RAB11FIP4: variants seen among roughly 807,000 people sequenced by gnomAD.
RAB11FIP4 encodes rab11 family-interacting protein 4.
A neutral mutation model predicts 74.3 loss-of-function variants in RAB11FIP4; 23 were observed. That is an observed-to-expected ratio of 0.31 (90% CI 0.22 to 0.44). RAB11FIP4 has a LOEUF of 0.44. Ranked by LOEUF, RAB11FIP4 falls within the 20% of genes least tolerant of loss-of-function variation. RAB11FIP4 has a pLI of 1.00. For missense variants in RAB11FIP4, 630 were observed against 863.9 expected, an observed-to-expected ratio of 0.73 and a Z score of 3.39; for synonymous variants, 360 against 359.9, an observed-to-expected ratio of 1.00 and a Z score of 0.00.
chr17:31,536,471 T>C lies in RAB11FIP4; in HGVS notation c.*4739T>C, dbSNP rs75094552. 0.038 allele frequency: 5,740 copies of C among 152,990 alleles called. 349 individuals are homozygous for C. Among genetic ancestry groups the C allele is most frequent in the African/African-American group, 0.13 (5,270 of 41,576 alleles). 9.5% of individuals were successfully genotyped at this position (152,990 alleles called of 1,614,324 possible). A position where few individuals can be genotyped will look rare whatever the true frequency, so the allele number is the denominator to read the frequency against. On this transcript the variant is annotated 3_prime_UTR_variant, in exon 15 of 15. Transcript: ENST00000621161. ...CTCAAGGGCTACTGTGGATTCTAGA[T>C]TGAGGAAAGGGGCCACTTAGGACTC...
intron 14 of RAB11FIP4, 111 bp downstream of exon 14, chr17:31,530,580 C>T (rs1043023682): frequency 2.2e-6 from 3 of 1,382,760 alleles, no homozygotes; most frequent in Non-Finnish European, 3.0e-6. Flanking sequence ...GGCAGAGAGT[C>T]CCATCTACAG....
intron 1 of RAB11FIP4, among the ~76,000 whole-genome samples, chr17:31,412,282 C>T (rs891648590): frequency 6.6e-6 from 1 of 152,164 alleles, no homozygotes. Context: ...GCTCTAGATC[C>T]CCAGAGCAGG....
rs555119408 is a variant in RAB11FIP4 at position 31,453,792 on chromosome 17, CAAAAAAA to C, written c.336+19685_336+19691del. 1.6e-4 allele frequency among the ~76,000 whole-genome samples: 10 copies of C among 62,632 alleles called. No homozygotes were observed. In the South Asian group the frequency reaches 2.9e-3, roughly 18 times the overall value. The allele number at this position is 62,632 out of a possible 152,430, so 41.1% of individuals were successfully genotyped here. A position where few individuals can be genotyped will look rare whatever the true frequency, so the allele number is the denominator to read the frequency against. ...TCCAGCCTGGGCACAAGACTCGTCT[CAAAAAAA>C]AAAAAAAAAAAAAAGAAAGAAAAGA... is the stretch of plus-strand genomic sequence containing the variant. On this transcript the variant is annotated intron_variant, in intron 3 of 14. Coordinates refer to ENST00000621161, the MANE Select transcript of RAB11FIP4 (RefSeq NM_032932.6).
In RAB11FIP4 at chr17:31,445,530, T is replaced by TATATA. The variant is rs2071443149; in HGVS notation, c.336+11408_336+11409insATATA. 2.3e-3 allele frequency among the ~76,000 whole-genome samples: 83 copies of TATATA among 36,738 alleles called. 2 individuals carry two copies. The highest frequency in any genetic ancestry group is 4.2e-3 in the Admixed American group (10 of 2,398). The allele number at this position is 36,738 out of a possible 152,430, so 24.1% of individuals were successfully genotyped here. ...AAAATCTACATTCAAATTTTCCCAA[T>TATATA]TTTATATATATATATATATATATAT... On this transcript the variant is annotated intron_variant, in intron 3 of 14. Transcript: ENST00000621161.
Position 31,421,714 on chromosome 17 carries a change from C to T in RAB11FIP4, c.160-10099C>T, listed in dbSNP as rs181874528. On this transcript the variant is annotated intron_variant, in intron 1 of 14. Transcript: ENST00000621161. The stretch of plus-strand genomic sequence containing the variant: ...CTGGGATTACAGGTGCCCACCACCA[C>T]GCCCAGCTAATTTTTTGTATTTTTA... Among the ~76,000 whole-genome samples the T allele has an allele frequency of 1.3e-3, 197 of 150,528 alleles. 1 individual carries two copies. Among genetic ancestry groups the T allele is most frequent in the African/African-American group, 4.4e-3 (182 of 40,982 alleles).
At chr17:31,413,851 G>GT (rs971940143) in intron 1 of RAB11FIP4, among the ~76,000 whole-genome samples, 3 of 152,164 alleles carry the variant, frequency 2.0e-5, no homozygotes, top group South Asian at 2.1e-4. Context: ...GTTTCATTGA[G>GT]TTTTTTTCCC....
At chr17:31,400,010 T>A (rs553450000) in intron 1 of RAB11FIP4, among the ~76,000 whole-genome samples, 1 of 149,760 alleles carries the variant, frequency 6.7e-6, no homozygotes, top group South Asian at 2.1e-4. Flanking sequence ...GCCACTGCAC[T>A]CCAGCCTAGG....
intron 3 of RAB11FIP4, among the ~76,000 whole-genome samples, chr17:31,463,120 T>G (rs2071648958): frequency 6.6e-6 from 1 of 152,140 alleles, no homozygotes; most frequent in Admixed American, 6.6e-5. Flanking sequence ...TGAGGAGGCG[T>G]TAACACATTG....
intron 3 of RAB11FIP4, among the ~76,000 whole-genome samples, chr17:31,447,337 A>T (rs1158502486): frequency 6.6e-6 from 1 of 151,882 alleles, no homozygotes; most frequent in Non-Finnish European, 1.5e-5. Flanking sequence ...GGTGGCAAGC[A>T]CCTGTGTGTC....
In RAB11FIP4 at chr17:31,523,617, C is replaced by T. The variant is rs761451166; in HGVS notation, c.1029+6C>T. 1 of 1,612,094 alleles carries T rather than the reference C, an allele frequency of 6.2e-7. No homozygotes were observed. The highest frequency in any genetic ancestry group is 2.2e-5 in the East Asian group (1 of 44,866). ...ACAATGACATCACAGAGAAGGTGGGCCTTGGGTGGCTGGAGAAGGGACTGA... is the reference window on the plus strand; with the variant it reads ...ACAATGACATCACAGAGAAGGTGGGTCTTGGGTGGCTGGAGAAGGGACTGA... On this transcript the variant is annotated splice_donor_region_variant and intron_variant, in intron 8 of 14. Transcript: ENST00000621161.
Position 31,432,000 on chromosome 17 carries a change from G to A in RAB11FIP4, c.247+100G>A, listed in dbSNP as rs142932369. On this transcript the variant is annotated intron_variant, in intron 2 of 14. Transcript: ENST00000621161. Reference sequence around the variant, plus strand: ...CCCAGCCTGGATTCCTCCCCACAGGGGTCCCAGAGCCCAGGATGGGCCAGA... The same window carrying A: ...CCCAGCCTGGATTCCTCCCCACAGGAGTCCCAGAGCCCAGGATGGGCCAGA... The A allele has an allele frequency of 8.2e-4, 743 of 907,192 alleles. 4 individuals carry two copies. The African/African-American group carries it at 0.011, about 13-fold the overall frequency. The allele number at this position is 907,192 out of a possible 1,614,324, so 56.2% of individuals were successfully genotyped here. A position where few individuals can be genotyped will look rare whatever the true frequency, so the allele number is the denominator to read the frequency against.
chr17:31,491,291 T>C (rs1195700316), intron 3 of RAB11FIP4, among the ~76,000 whole-genome samples: 1 of 152,234 alleles, frequency 6.6e-6, no homozygotes, highest in African/African-American at 2.4e-5. Flanking sequence ...ACTGAATTCA[T>C]TCACCAGATT....
At chr17:31,458,037 A>C (rs2071596177) in intron 3 of RAB11FIP4, among the ~76,000 whole-genome samples, 1 of 152,188 alleles carries the variant, frequency 6.6e-6, no homozygotes, top group South Asian at 2.1e-4. Flanking sequence ...AACCACCCCC[A>C]GCAGACCAAC....
chr17:31,526,350 A>C (rs2072766739), intron 10 of RAB11FIP4: 1 of 152,234 alleles, frequency 6.6e-6, no homozygotes, highest in Non-Finnish European at 1.5e-5. Context: ...TGCCCGTCAC[A>C]CAGCTCCGGG....
chr17:31,524,139 G>A, intron 9 of RAB11FIP4, 143 bp downstream of exon 9: 1 of 648,460 alleles, frequency 1.5e-6, no homozygotes, highest in Middle Eastern at 4.1e-4. Flanking sequence ...TTGTCACATG[G>A]CCCTGCCCAC....
At chr17:31,417,153 A>G (rs1419275147) in intron 1 of RAB11FIP4, among the ~76,000 whole-genome samples, 1 of 151,550 alleles carries the variant, frequency 6.6e-6, no homozygotes, top group Non-Finnish European at 1.5e-5. Flanking sequence ...CTAGCAGGAA[A>G]CCCTGCAACT....
intron 1 of RAB11FIP4, among the ~76,000 whole-genome samples, chr17:31,421,461 C>T (rs796326105): frequency 1.5e-4 from 23 of 151,896 alleles, no homozygotes; most frequent in African/African-American, 5.6e-4. Flanking sequence ...TCAAGTGATC[C>T]ACCTGCCTCA....
At chr17:31,509,186 A>C (rs1008921848) in intron 3 of RAB11FIP4, 1 of 152,534 alleles carries the variant, frequency 6.6e-6, no homozygotes, top group South Asian at 2.1e-4. Context: ...AAACCAGCAC[A>C]GGAAACGTGG....
At chr17:31,492,638 A>T (rs992665142) in intron 3 of RAB11FIP4, among the ~76,000 whole-genome samples, 1 of 151,872 alleles carries the variant, frequency 6.6e-6, no homozygotes, top group African/African-American at 2.4e-5. Flanking sequence ...ATTTGGAGCT[A>T]TTTTCTCATT....
Sources: allele counts gnomAD v4.1 joint callset (sites outside exome capture counted in the v4.1 genomes callset), GRCh38; gene constraint gnomAD v4.1.1; transcripts MANE v1.5; gene names NCBI Gene and HGNC (gene_info 2026-07-23, HGNC 2026-07-21).